CSRNP3: variants seen among roughly 807,000 people sequenced by gnomAD.
The protein encoded by CSRNP3 is cysteine/serine-rich nuclear protein 3.
A neutral mutation model predicts 48.0 loss-of-function variants in CSRNP3; 12 were observed. That is an observed-to-expected ratio of 0.25 (90% CI 0.16 to 0.41). CSRNP3 has a LOEUF of 0.41. Ranked by LOEUF, CSRNP3 falls within the 10% of genes least tolerant of loss-of-function variation. The pLI, the probability that CSRNP3 is intolerant of heterozygous loss-of-function variation, is 1.00. For missense variants in CSRNP3, 580 were observed against 724.4 expected, an observed-to-expected ratio of 0.80 and a Z score of 2.29; for synonymous variants, 263 against 269.7, an observed-to-expected ratio of 0.98 and a Z score of 0.24.
chr2:165,667,097 GA>G (rs1558968422), intron 5 of CSRNP3, among the ~76,000 whole-genome samples: 4 of 17,020 alleles, frequency 2.4e-4, no homozygotes, highest in African/African-American at 3.2e-4. Context: ...GAGAGAGAGA[GA>G]AAAGGAAGGA....
chr2:165,581,101 A>G lies in CSRNP3; in HGVS notation c.-23-13942A>G, dbSNP rs924313216. Among the ~76,000 whole-genome samples the G allele has an allele frequency of 2.0e-5, 3 of 152,232 alleles. No homozygotes were observed. In the East Asian group the frequency reaches 5.8e-4, roughly 29 times the overall value. The stretch of plus-strand genomic sequence containing the variant: ...CTCTGTTTTTGATAACTAAAACACC[A>G]TCTTAAAAGTTAACCTTAGGGAAGA... On this transcript the variant is annotated intron_variant, in intron 3 of 6. Coordinates refer to ENST00000651982, the MANE Select transcript of CSRNP3 (RefSeq NM_001172173.2).
chr2:165,679,999 A>G lies in CSRNP3; in HGVS notation c.*246A>G, dbSNP rs537171388. The G allele has an allele frequency of 2.0e-5, 10 of 501,122 alleles. No individual in the cohort carries two copies. The highest frequency in any genetic ancestry group is 6.1e-5 in the South Asian group (2 of 33,016). 31.0% of individuals were successfully genotyped at this position (501,122 alleles called of 1,614,324 possible). ...GAAAAAGCTAAATTTTAAAATGCAT[A>G]TCTCACAGTTGCCTACCTGTCAAAC... On this transcript the variant is annotated 3_prime_UTR_variant, in exon 7 of 7. Transcript: ENST00000651982.
rs1273139875 is a variant in CSRNP3 at position 165,687,026 on chromosome 2, C to T, written c.*7273C>T. 6.6e-6 allele frequency: 1 copy of T among 152,038 alleles called. No individual in the cohort carries two copies. The allele number at this position is 152,038 out of a possible 1,614,324, so 9.4% of individuals were successfully genotyped here. On this transcript the variant is annotated 3_prime_UTR_variant, in exon 7 of 7. Transcript: ENST00000651982. The stretch of plus-strand genomic sequence containing the variant: ...TAACATCTCTAGGGAAGGCAGTTTC[C>T]TTGGCAACACAATTCAGCTCTCTTA...
chr2:165,537,560 C>T (rs1684897175), intron 3 of CSRNP3, among the ~76,000 whole-genome samples: 1 of 151,166 alleles, frequency 6.6e-6, no homozygotes, highest in African/African-American at 2.4e-5. Flanking sequence ...TTATTATTAC[C>T]TTTACATTGA....
chr2:165,538,490 G>A (rs1436197542), intron 3 of CSRNP3, among the ~76,000 whole-genome samples: 2 of 151,740 alleles, frequency 1.3e-5, no homozygotes, highest in African/African-American at 4.8e-5. Context: ...TTTACCCAGT[G>A]TCCCCACTTC....
At chr2:165,511,775 C>G (rs1363868282) in intron 2 of CSRNP3, among the ~76,000 whole-genome samples, 5 of 152,278 alleles carry the variant, frequency 3.3e-5, no homozygotes, top group African/African-American at 9.6e-5. Context: ...TTGCCAGGCA[C>G]TACAGGGGAC....
rs1687033190 is a variant in CSRNP3, at chr2:165,657,932, G to C, written c.320G>C (p.Gly107Ala). ...RHNSVRQYTLGEFAREQERLH... is the reference protein window; with the variant it reads ...RHNSVRQYTLAEFAREQERLH... ...AACAGCGTGCGCCAGTACACTCTTG[G>C]CGAGTTTGCAAGGGAGCAGGAGAGG... The change falls in exon 5 of 7, where the codon GGC becomes GCC. Residue 107 changes from glycine (G) to alanine (A), a missense_variant. Gly to Ala is a moderately conservative substitution (Grantham distance 60). Around this residue, in one of 4 missense-constraint regions of CSRNP3, gnomAD observed 83 missense variants for 139.6 expected, o/e 0.59. Coordinates refer to ENST00000651982, the MANE Select transcript of CSRNP3 (RefSeq NM_001172173.2). 1 of 1,613,992 alleles carries C rather than the reference G, an allele frequency of 6.2e-7. No individual in the cohort carries two copies. Among genetic ancestry groups the C allele is most frequent in the Admixed American group, 1.7e-5 (1 of 60,000 alleles).
chr2:165,662,338 G>A (rs1296407266), intron 5 of CSRNP3, among the ~76,000 whole-genome samples: 1 of 152,122 alleles, frequency 6.6e-6, no homozygotes, highest in Non-Finnish European at 1.5e-5. Flanking sequence ...GTTCAAGTGT[G>A]TCTTTTTTTG....
At chr2:165,533,100 G>A (rs988909110) in intron 3 of CSRNP3, among the ~76,000 whole-genome samples, 1 of 151,900 alleles carries the variant, frequency 6.6e-6, no homozygotes, top group Non-Finnish European at 1.5e-5. Context: ...TCTTCAACAG[G>A]GGTTTGATCT....
rs1687633665 is a variant in CSRNP3, at chr2:165,686,501, TAAAA to T, written c.*6751_*6754del. On this transcript the variant is annotated 3_prime_UTR_variant, in exon 7 of 7. Coordinates refer to ENST00000651982, the MANE Select transcript of CSRNP3 (RefSeq NM_001172173.2). ...TATACATTTTTGCAACTTTATTTAATAAAAAAGAGAAGAAAAAATAAAATCTAAA... is the reference window on the plus strand; with the variant it reads ...TATACATTTTTGCAACTTTATTTAATAAGAGAAGAAAAAATAAAATCTAAA... 1 of 134,270 alleles carries T rather than the reference TAAAA, an allele frequency of 7.4e-6. No homozygotes were observed. Among genetic ancestry groups the T allele is most frequent in the South Asian group, 2.3e-4 (1 of 4,290 alleles). 8.3% of individuals were successfully genotyped at this position (134,270 alleles called of 1,614,324 possible). A position where few individuals can be genotyped will look rare whatever the true frequency, so the allele number is the denominator to read the frequency against.
intron 2 of CSRNP3, among the ~76,000 whole-genome samples, chr2:165,508,894 A>C (rs1041462211): frequency 2.0e-5 from 3 of 152,196 alleles, no homozygotes; most frequent in Non-Finnish European, 4.4e-5. Flanking sequence ...TTATGTTACT[A>C]TGAAAAAGGC....
intron 3 of CSRNP3, among the ~76,000 whole-genome samples, chr2:165,550,593 G>T (rs1158868372): frequency 6.6e-6 from 1 of 152,186 alleles, no homozygotes. Context: ...CCAAAAAAAG[G>T]CTTCATTTGC....
chr2:165,649,076 A>G (rs941583406), intron 4 of CSRNP3, among the ~76,000 whole-genome samples: 36 of 152,310 alleles, frequency 2.4e-4, no homozygotes, highest in African/African-American at 8.4e-4. Flanking sequence ...CGTGACATGC[A>G]TGTTCATGAT....
rs760317244 is a variant in CSRNP3 at position 165,687,631 on chromosome 2, C to T, written c.*7878C>T. ...GGAATAAAATGACTCCAGAGATTTA[C>T]ACAGCCACCATTTGATCCCAGCCTT... On this transcript the variant is annotated 3_prime_UTR_variant, in exon 7 of 7. Transcript: ENST00000651982. 2 of 151,992 alleles carry T rather than the reference C, an allele frequency of 1.3e-5. No homozygotes were observed. Among genetic ancestry groups the T allele is most frequent in the Non-Finnish European group, 2.9e-5 (2 of 67,976 alleles). The allele number at this position is 151,992 out of a possible 1,614,324, so 9.4% of individuals were successfully genotyped here.
intron 4 of CSRNP3, among the ~76,000 whole-genome samples, chr2:165,652,489 C>T (rs1307501144): frequency 1.9e-5 from 2 of 103,606 alleles, no homozygotes; most frequent in Non-Finnish European, 4.1e-5. Context: ...CAGAGCAAGA[C>T]TCAATCTTAA....
At chr2:165,511,529 ATCATAACATGAT>A (rs1684505731) in intron 2 of CSRNP3, among the ~76,000 whole-genome samples, 2 of 152,304 alleles carry the variant, frequency 1.3e-5, no homozygotes, top group East Asian at 3.9e-4. Flanking sequence ...ATGTTTCTTC[ATCATAACATGAT>A]TGAAGACAGA....
intron 6 of CSRNP3, among the ~76,000 whole-genome samples, chr2:165,677,368 A>G (rs1451002632): frequency 6.6e-6 from 1 of 152,174 alleles, no homozygotes; most frequent in African/African-American, 2.4e-5. Flanking sequence ...GACCTCTGCA[A>G]ATAAAAAGTT....
intron 4 of CSRNP3, among the ~76,000 whole-genome samples, chr2:165,634,645 G>A (rs1686597944): frequency 6.6e-6 from 1 of 152,136 alleles, no homozygotes; most frequent in African/African-American, 2.4e-5. Flanking sequence ...TCAGAGAAAG[G>A]GATATGAATA....
At chr2:165,535,682 G>A (rs772210995) in intron 3 of CSRNP3, among the ~76,000 whole-genome samples, 125 of 151,868 alleles carry the variant, frequency 8.2e-4, no homozygotes, top group Non-Finnish European at 4.7e-4. Context: ...AATCTTGCTG[G>A]CCTAGAGAGG....
Sources: gnomAD v4.1 joint callset for allele counts (sites outside exome capture counted in the v4.1 genomes callset) on GRCh38, gnomAD v4.1.1 for gene constraint, gnomAD v4.1.1 regional missense constraint, MANE v1.5 for transcripts, NCBI Gene and HGNC (gene_info 2026-07-23, HGNC 2026-07-21) for gene names.